The following LMTK3 variants were observed in gnomAD, a reference collection of about 807,000 sequenced individuals.
The protein encoded by LMTK3 is serine/threonine-protein kinase LMTK3.
Under a neutral mutation model 116.7 loss-of-function variants are expected in LMTK3, and 27 were observed. The ratio of observed to expected loss-of-function variants is 0.23; its 90% CI spans 0.17 to 0.32. LMTK3 has a LOEUF of 0.32. LMTK3 is among the 10% of genes least tolerant of loss of function. The pLI, the probability that LMTK3 is intolerant of heterozygous loss-of-function variation, is 1.00. For missense variants in LMTK3, 1,764 were observed against 2,068.5 expected, an observed-to-expected ratio of 0.85 and a Z score of 2.86; for synonymous variants, 965 against 971.0, an observed-to-expected ratio of 0.99 and a Z score of 0.11.
Position 48,511,620 on chromosome 19 carries a change from AG to A in LMTK3, c.-45del. ...GAGGTGGAGGTGGTGGCGGCTGGGG[AG>A]GAGGGGGGGGCGGGCCCTCAGCCCC... On this transcript the variant is annotated 5_prime_UTR_variant, in exon 1 of 15. Transcript: ENST00000600059. 1 of 118,230 alleles carries A rather than the reference AG, an allele frequency of 8.5e-6. No individual in the cohort carries two copies. 7.3% of individuals were successfully genotyped at this position (118,230 alleles called of 1,614,324 possible). A position where few individuals can be genotyped will look rare whatever the true frequency, so the allele number is the denominator to read the frequency against.
At position 48,498,799 on chromosome 19, in the gene LMTK3, GGC is replaced by G; in HGVS notation, c.2268_2269del (p.Pro757AlafsTer782). 2.4e-6 allele frequency: 3 copies of G among 1,237,430 alleles called. No homozygotes were observed. Among genetic ancestry groups the G allele is most frequent in the Non-Finnish European group, 3.1e-6 (3 of 957,902 alleles). 76.7% of individuals were successfully genotyped at this position (1,237,430 alleles called of 1,614,324 possible). The stretch of plus-strand genomic sequence containing the variant: ...GTCCGCGGGGGCCCGAGGAGGTGGC[GGC>G]GGGGGGGGGGGAGCGGGAGGTGGCC... On this transcript the variant is annotated frameshift_variant, in exon 11 of 15. Transcript: ENST00000600059. LOFTEE classifies it high-confidence loss of function.
At chr19:48,489,448 C>T (rs1972182633) in intron 14 of LMTK3, among the ~76,000 whole-genome samples, 1 of 152,148 alleles carries the variant, frequency 6.6e-6, no homozygotes, top group South Asian at 2.1e-4. Flanking sequence ...TGGTGGGTGC[C>T]TGTAATTCCA....
At chr19:48,505,099 CTCTCTTTTTTT>C (rs1329107189) in intron 5 of LMTK3, among the ~76,000 whole-genome samples, 3 of 101,796 alleles carry the variant, frequency 2.9e-5, no homozygotes, top group African/African-American at 1.3e-4. Flanking sequence ...CTCTCTCTCT[CTCTCTTTTTTT>C]TTTTTTTTTT....
In LMTK3 at chr19:48,510,035, G is replaced by T. The variant is rs370659081; in HGVS notation, c.349C>A (p.Pro117Thr). The T allele has an allele frequency of 3.0e-5, 49 of 1,613,834 alleles. No individual in the cohort carries two copies. The highest frequency in any genetic ancestry group is 3.7e-5 in the Non-Finnish European group (44 of 1,179,890). Residue 117 changes from proline (P) to threonine (T), a missense_variant, in exon 3 of 15, where the codon CCT becomes ACT. By Grantham distance (38) the Pro-to-Thr change is conservative. Transcript: ENST00000600059. ...EVSLPMPAPQ[P>T]SHSDMTTPLG... ...CGTGGGGCAGTACCTGAGTGTGAAG[G>T]CTGCGGGGCAGGCATTGGCAGGGAG...
chr19:48,510,241 T>A, intron 2 of LMTK3, 68 bp from the exon 3 acceptor site: 1 of 1,546,050 alleles, frequency 6.5e-7, no homozygotes, highest in Non-Finnish European at 8.8e-7. Flanking sequence ...CGTCTTTCTC[T>A]TAAGTTTGTC....
intron 4 of LMTK3, among the ~76,000 whole-genome samples, chr19:48,509,182 C>T (rs1050502517): frequency 2.0e-5 from 3 of 150,474 alleles, no homozygotes; most frequent in Non-Finnish European, 3.0e-5. Flanking sequence ...GATGGACAGA[C>T]GGACGGACGC....
At chr19:48,496,220 G>A (rs1050923663) in intron 11 of LMTK3, among the ~76,000 whole-genome samples, 10 of 151,800 alleles carry the variant, frequency 6.6e-5, no homozygotes, top group African/African-American at 1.9e-4. Context: ...AGTGATTCTT[G>A]TGCCTCAGCC....
rs938010854 is a variant in LMTK3 at position 48,493,968 on chromosome 19, G to A, written c.3818C>T (p.Pro1273Leu). ...GEAGGAGAPG[P>L]AEEDGEDEDE... ...CTCGTCCTCCCCGTCCTCCTCCGCCGGCCCCGGCGCTCCCGCCCCGCCGGC... is the reference window on the plus strand; with the variant it reads ...CTCGTCCTCCCCGTCCTCCTCCGCCAGCCCCGGCGCTCCCGCCCCGCCGGC... The change falls in exon 12 of 15, where the codon CCG becomes CTG. Residue 1273 changes from proline to leucine, a missense_variant. Physicochemically the swap from Pro to Leu is moderately conservative, Grantham distance 98. Coordinates refer to ENST00000600059, the MANE Select transcript of LMTK3 (RefSeq NM_001388485.1). 5 of 1,043,782 alleles carry A rather than the reference G, an allele frequency of 4.8e-6. No individual in the cohort carries two copies. The African/African-American group carries it at 6.9e-5, about 14-fold the overall frequency. The allele number at this position is 1,043,782 out of a possible 1,614,324, so 64.7% of individuals were successfully genotyped here. A position where few individuals can be genotyped will look rare whatever the true frequency, so the allele number is the denominator to read the frequency against.
At chr19:48,510,699 T>G in intron 1 of LMTK3, 107 bp from the exon 2 acceptor site, 1 of 1,295,122 alleles carries the variant, frequency 7.7e-7, no homozygotes, top group Non-Finnish European at 1.0e-6. Flanking sequence ...CGTGATGCTC[T>G]GCGACCAGGG....
At chr19:48,511,914 G>A (rs2147564994), upstream of LMTK3, 1 of 260,234 alleles carries the variant, frequency 3.8e-6, no homozygotes, top group Non-Finnish European at 7.3e-6. Context: ...GGAGCAGAGA[G>A]CCTGTCACAG....
intron 5 of LMTK3, among the ~76,000 whole-genome samples, chr19:48,507,197 C>T (rs532199930): frequency 2.0e-5 from 3 of 152,224 alleles, no homozygotes; most frequent in Non-Finnish European, 2.9e-5. Flanking sequence ...TGCACACCCA[C>T]GAATCTGGCC....
chr19:48,502,816 T>A (rs1972496244), intron 6 of LMTK3, 93 bp downstream of exon 6: 2 of 968,316 alleles, frequency 2.1e-6, no homozygotes, highest in South Asian at 1.4e-5. Context: ...ACGATGATGA[T>A]GATGATGACG....
intron 7 of LMTK3, among the ~76,000 whole-genome samples, chr19:48,501,893 C>A (rs1972474282): frequency 6.7e-6 from 1 of 149,840 alleles, no homozygotes; most frequent in Non-Finnish European, 1.5e-5. Flanking sequence ...GACCCTGCTT[C>A]CCCCTCACCT....
chr19:48,512,701 ACT>A (rs879582489), upstream of LMTK3, among the ~76,000 whole-genome samples: 4 of 152,140 alleles, frequency 2.6e-5, no homozygotes, highest in Non-Finnish European at 5.9e-5. Flanking sequence ...AACATGCATC[ACT>A]CACACGGACA....
At chr19:48,512,474 C>G (rs1972678782), upstream of LMTK3, among the ~76,000 whole-genome samples, 1 of 152,178 alleles carries the variant, frequency 6.6e-6, no homozygotes, top group South Asian at 2.1e-4. Context: ...GCCACGCAGA[C>G]AGTCCCTAGA....
chr19:48,494,824 CT>C lies in LMTK3; in HGVS notation c.3677-716del, dbSNP rs1471686696. ...GTTCTCTCTACTCAAGTTTTACTAC[CT>C]TTTGCTATTCTCTAAACATGGTGAG... is the stretch of plus-strand genomic sequence containing the variant. On this transcript the variant is annotated intron_variant, in intron 11 of 14. Coordinates refer to ENST00000600059, the MANE Select transcript of LMTK3 (RefSeq NM_001388485.1). The surrounding 1 kb of genome is among the most constrained non-coding windows in gnomAD (Gnocchi z 4.0). Among the ~76,000 whole-genome samples the C allele has an allele frequency of 6.6e-6, 1 of 152,104 alleles. No homozygotes were observed. Among genetic ancestry groups the C allele is most frequent in the African/African-American group, 2.4e-5 (1 of 41,406 alleles).
chr19:48,509,573 AC>A lies in LMTK3; in HGVS notation c.362-61del, dbSNP rs986232210. 3.6e-6 allele frequency: 5 copies of A among 1,398,802 alleles called. No homozygotes were observed. The African/African-American group carries it at 7.2e-5, about 20-fold the overall frequency. 86.6% of individuals were successfully genotyped at this position (1,398,802 alleles called of 1,614,324 possible). A position where few individuals can be genotyped will look rare whatever the true frequency, so the allele number is the denominator to read the frequency against. ...CTCCCCCTTCCTGAGTGCTACCAACACACCCCAGGTCAGTGGGGACTGAGAC... is the reference window on the plus strand; with the variant it reads ...CTCCCCCTTCCTGAGTGCTACCAACAACCCCAGGTCAGTGGGGACTGAGAC... On this transcript the variant is annotated intron_variant, in intron 3 of 14. Transcript: ENST00000600059.
In LMTK3 at chr19:48,498,073, C is replaced by A. The variant is rs1192650380; in HGVS notation, c.2996G>T (p.Ser999Ile). 5.0e-6 allele frequency: 8 copies of A among 1,612,816 alleles called. No individual in the cohort carries two copies. The highest frequency in any genetic ancestry group is 6.8e-6 in the Non-Finnish European group (8 of 1,179,764). ...LVNGGLTPPK[S>I]EDKVSENGGL... ...CCCATTCTCTGACACCTTGTCCTCGCTCTTTGGGGGTGTCAGGCCCCCATT... is the reference window on the plus strand; with the variant it reads ...CCCATTCTCTGACACCTTGTCCTCGATCTTTGGGGGTGTCAGGCCCCCATT... Residue 999 changes from serine to isoleucine, a missense_variant, in exon 11 of 15, where the codon AGC becomes ATC. Ser to Ile is a moderately radical substitution (Grantham distance 142). Coordinates refer to ENST00000600059, the MANE Select transcript of LMTK3 (RefSeq NM_001388485.1).
intron 5 of LMTK3, among the ~76,000 whole-genome samples, chr19:48,508,587 C>G (rs749677209): frequency 2.0e-4 from 31 of 152,162 alleles, no homozygotes; most frequent in Non-Finnish European, 4.4e-4. Context: ...GACTCACTTT[C>G]CAGATGAAGA....
Sources: gnomAD v4.1 joint callset for allele counts (sites outside exome capture counted in the v4.1 genomes callset) on GRCh38, gnomAD v4.1.1 for gene constraint, Gnocchi (gnomAD v3.1) non-coding constraint, MANE v1.5 for transcripts, NCBI Gene and HGNC (gene_info 2026-07-23, HGNC 2026-07-21) for gene names.